Variants in ANTXR2 observed in about 807,000 individuals in gnomAD.
ANTXR2 encodes ANTXR cell adhesion molecule 2.
ANTXR2 carries 44 observed loss-of-function variants against 73.7 expected under a neutral mutation model. The ratio of observed to expected loss-of-function variants is 0.60; its 90% CI spans 0.47 to 0.77. The LOEUF (loss-of-function observed/expected upper bound fraction) is 0.77, where lower values mean the gene tolerates loss of function less well. Ranked by LOEUF, ANTXR2 falls within the 30% of genes least tolerant of loss-of-function variation. The probability of loss-of-function intolerance (pLI) is 0.00; values close to 1 mark genes in which losing one functional copy is unlikely to be tolerated. For missense variants in ANTXR2, 604 were observed against 592.5 expected, an observed-to-expected ratio of 1.02 and a Z score of -0.20; for synonymous variants, 217 against 205.9, an observed-to-expected ratio of 1.05 and a Z score of -0.46.
intron 16 of ANTXR2, among the ~76,000 whole-genome samples, chr4:79,954,416 T>C (rs558753186): frequency 3.0e-4 from 45 of 152,262 alleles, no homozygotes; most frequent in Admixed American, 1.4e-3. Context: ...ACATGATACA[T>C]GTTTGAAATA....
intron 10 of ANTXR2, among the ~76,000 whole-genome samples, chr4:80,024,154 T>A (rs1732306485): frequency 6.6e-6 from 1 of 152,112 alleles, no homozygotes; most frequent in Admixed American, 6.5e-5. Context: ...ATTTATTGGA[T>A]GTAGGAGGTG....
intron 12 of ANTXR2, among the ~76,000 whole-genome samples, chr4:80,006,086 G>A (rs1731288100): frequency 6.6e-6 from 1 of 152,028 alleles, no homozygotes; most frequent in Non-Finnish European, 1.5e-5. Flanking sequence ...GAACTGAATT[G>A]GGAGTCATCA....
Position 80,069,450 on chromosome 4 carries a change from T to C in ANTXR2, c.282A>G (p.Pro94=). The change falls in exon 3 of 17, where the codon CCA becomes CCG. Residue 94 remains proline, a synonymous_variant. Transcript: ENST00000403729. ...AATGCACTAACCTGTCTCCAGTTAA[T>C]GGCAAAATAATAGTTGCTTGAGAAG... The part of the protein sequence containing the change: ...VFSSQATIIL[P]LTGDRGKISK... The C allele has an allele frequency of 1.2e-6, 2 of 1,601,460 alleles. No homozygotes were observed. Among genetic ancestry groups the C allele is most frequent in the Middle Eastern group, 1.7e-4 (1 of 6,036 alleles).
At chr4:80,031,525 CA>C in intron 10 of ANTXR2, 97 bp downstream of exon 10, 12 of 995,104 alleles carry the variant, frequency 1.2e-5, no homozygotes, top group Admixed American at 7.6e-5. Flanking sequence ...CTCTGTATAT[CA>C]AAAAAAGATA....
At position 80,055,091 on chromosome 4, in the gene ANTXR2, A is replaced by T. The variant is rs1393695165; in HGVS notation, c.555+59T>A. The T allele has an allele frequency of 4.2e-6, 6 of 1,442,908 alleles. No homozygotes were observed. The African/African-American group carries it at 8.6e-5, about 21-fold the overall frequency. The allele number at this position is 1,442,908 out of a possible 1,614,324, so 89.4% of individuals were successfully genotyped here. ...GTCATCAGTGAAAAGAATTTGTTAAACTATCCTTAAGACAATTATGTGGTT... is the reference window on the plus strand; with the variant it reads ...GTCATCAGTGAAAAGAATTTGTTAATCTATCCTTAAGACAATTATGTGGTT... On this transcript the variant is annotated intron_variant, in intron 6 of 16. Coordinates refer to ENST00000403729, the MANE Select transcript of ANTXR2 (RefSeq NM_058172.6).
chr4:80,017,286 C>T (rs1731918684), intron 11 of ANTXR2, among the ~76,000 whole-genome samples: 1 of 152,218 alleles, frequency 6.6e-6, no homozygotes, highest in South Asian at 2.1e-4. Flanking sequence ...GCTGCTCCCT[C>T]TGTGTGGAGC....
rs183431503 is a variant in ANTXR2 at position 80,065,705 on chromosome 4, C to T, written c.296+3731G>A. Among the ~76,000 whole-genome samples the T allele has an allele frequency of 4.6e-5, 7 of 152,218 alleles. No homozygotes were observed. The East Asian group carries it at 5.8e-4, about 13-fold the overall frequency. ...AAGCATAACAGAAGACACAGCCCTACGGTAAGTATTTACTACCTTCTAATC... is the reference window on the plus strand; with the variant it reads ...AAGCATAACAGAAGACACAGCCCTATGGTAAGTATTTACTACCTTCTAATC... On this transcript the variant is annotated intron_variant, in intron 3 of 16. Transcript: ENST00000403729.
At chr4:80,025,758 T>C (rs557686627) in intron 10 of ANTXR2, among the ~76,000 whole-genome samples, 1 of 152,340 alleles carries the variant, frequency 6.6e-6, no homozygotes, top group African/African-American at 2.4e-5. Flanking sequence ...ATGTTTTGAC[T>C]AAGGATACTT....
chr4:80,069,374 T>C (rs1257226594), intron 3 of ANTXR2, 62 bp downstream of exon 3: 6 of 1,327,250 alleles, frequency 4.5e-6, no homozygotes, highest in Non-Finnish European at 6.4e-6. Context: ...CTTGGAAATA[T>C]CAATCATGCC....
chr4:80,057,042 T>C lies in ANTXR2; in HGVS notation c.297-1029A>G, dbSNP rs183623478. ...ACTTTTTCAATAGAAGCAAAAAAAA[T>C]GCCTTTTTAAACTGGTGAGAATGGA... On this transcript the variant is annotated intron_variant, in intron 3 of 16. Coordinates refer to ENST00000403729, the MANE Select transcript of ANTXR2 (RefSeq NM_058172.6). Among the ~76,000 whole-genome samples the C allele has an allele frequency of 7.3e-3, 1,111 of 152,032 alleles. 9 individuals carry two copies. Among genetic ancestry groups the C allele is most frequent in the Non-Finnish European group, 0.011 (768 of 67,858 alleles).
At chr4:79,927,525 C>T (rs1275209120) in intron 16 of ANTXR2, among the ~76,000 whole-genome samples, 1 of 152,108 alleles carries the variant, frequency 6.6e-6, no homozygotes, top group Non-Finnish European at 1.5e-5. Flanking sequence ...TTTAAATAAT[C>T]TCTAGATCAC....
chr4:79,990,002 T>C (rs915331802), intron 12 of ANTXR2, among the ~76,000 whole-genome samples: 4 of 152,022 alleles, frequency 2.6e-5, no homozygotes, highest in Non-Finnish European at 5.9e-5. Flanking sequence ...GAACCATCTA[T>C]GATAAACCCA....
intron 7 of ANTXR2, among the ~76,000 whole-genome samples, chr4:80,049,743 T>C (rs1733690888): frequency 6.6e-6 from 1 of 151,774 alleles, no homozygotes; most frequent in African/African-American, 2.4e-5. Flanking sequence ...TACTTTTGAC[T>C]CCTCTCTCTG....
chr4:80,024,683 G>T (rs2110075069), intron 10 of ANTXR2: 1 of 453,408 alleles, frequency 2.2e-6, no homozygotes, highest in African/African-American at 2.0e-5. Context: ...GATCACCTGA[G>T]CCAGAAAGGC....
At chr4:79,987,337 A>T (rs1435071081) in intron 12 of ANTXR2, among the ~76,000 whole-genome samples, 1 of 152,132 alleles carries the variant, frequency 6.6e-6, no homozygotes, top group African/African-American at 2.4e-5. Context: ...TTTATAATGC[A>T]ATCGGAAGCA....
At chr4:80,014,249 T>C (rs1731731678) in intron 11 of ANTXR2, among the ~76,000 whole-genome samples, 1 of 152,108 alleles carries the variant, frequency 6.6e-6, no homozygotes, top group South Asian at 2.1e-4. Context: ...GGGTCTTGGA[T>C]CTCCCTTTTC....
chr4:79,953,227 G>C (rs1242084092), intron 16 of ANTXR2, among the ~76,000 whole-genome samples: 1 of 152,124 alleles, frequency 6.6e-6, no homozygotes, highest in Non-Finnish European at 1.5e-5. Flanking sequence ...TACCTGAAGA[G>C]ATATTAAGAC....
chr4:80,060,897 A>T (rs2110114387), intron 3 of ANTXR2, among the ~76,000 whole-genome samples: 1 of 152,234 alleles, frequency 6.6e-6, no homozygotes, highest in African/African-American at 2.4e-5. Context: ...GCATTGAATG[A>T]GCAGTTCTCA....
At chr4:79,961,226 T>C (rs981411748) in intron 16 of ANTXR2, among the ~76,000 whole-genome samples, 31 of 152,022 alleles carry the variant, frequency 2.0e-4, no homozygotes, top group Middle Eastern at 3.2e-3. Context: ...TTTAAATATA[T>C]ATTTAAGCCT....
Sources: allele counts gnomAD v4.1 joint callset (sites outside exome capture counted in the v4.1 genomes callset), GRCh38; gene constraint gnomAD v4.1.1; transcripts MANE v1.5; gene names NCBI Gene and HGNC (gene_info 2026-07-23, HGNC 2026-07-21).